The following CEP126 variants were observed in gnomAD, a reference collection of about 807,000 sequenced individuals.
CEP126 encodes centrosomal protein 126, also known as centrosomal protein of 126 kDa.
A neutral mutation model predicts 107.8 loss-of-function variants in CEP126; 74 were observed. The ratio of observed to expected loss-of-function variants is 0.69; its 90% CI spans 0.57 to 0.83. The LOEUF (loss-of-function observed/expected upper bound fraction) is 0.83. Ranked by LOEUF, CEP126 falls within the 40% of genes least tolerant of loss-of-function variation. CEP126 has a pLI of 0.00. For missense variants in CEP126, 1,237 were observed against 1,281.9 expected (o/e 0.96, Z 0.53); for synonymous variants, 449 against 446.0 (o/e 1.01, Z -0.08).
Position 101,944,180 on chromosome 11 carries a change from T to C in CEP126, c.249-85T>C, listed in dbSNP as rs1451654679. 3 of 1,224,672 alleles carry C rather than the reference T, an allele frequency of 2.4e-6. No individual in the cohort carries two copies. In the African/African-American group the frequency reaches 4.8e-5, roughly 19 times the overall value. 75.9% of individuals were successfully genotyped at this position (1,224,672 alleles called of 1,614,324 possible). A position where few individuals can be genotyped will look rare whatever the true frequency, so the allele number is the denominator to read the frequency against. On this transcript the variant is annotated intron_variant, in intron 2 of 10. Coordinates refer to ENST00000263468, the MANE Select transcript of CEP126 (RefSeq NM_020802.4). ...AATAAAATTTTGAAATATGAAAACATTGTTATATAATAAATGCGTCATTTT... is the reference window on the plus strand; with the variant it reads ...AATAAAATTTTGAAATATGAAAACACTGTTATATAATAAATGCGTCATTTT...
Position 101,957,445 on chromosome 11 carries a change from A to G in CEP126, c.507-723A>G, listed in dbSNP as rs189865174. ...TATATGTGCTGAAATCTAACATGCT[A>G]TAGATTTGCAGAAGATACAAAATTC... On this transcript the variant is annotated intron_variant, in intron 4 of 10. Coordinates refer to ENST00000263468, the MANE Select transcript of CEP126 (RefSeq NM_020802.4). Among the ~76,000 whole-genome samples, 41 of 152,284 alleles carry G rather than the reference A, an allele frequency of 2.7e-4. No homozygotes were observed. In the East Asian group the frequency reaches 4.6e-3, roughly 17 times the overall value.
intron 1 of CEP126, among the ~76,000 whole-genome samples, chr11:101,919,597 A>C (rs1002285124): frequency 2.0e-5 from 3 of 152,194 alleles, no homozygotes; most frequent in African/African-American, 7.2e-5. Flanking sequence ...ACCATATTTG[A>C]AATGATACAA....
At chr11:101,929,903 C>T (rs1423724432) in intron 2 of CEP126, among the ~76,000 whole-genome samples, 6 of 151,102 alleles carry the variant, frequency 4.0e-5, no homozygotes, top group Non-Finnish European at 8.8e-5. Context: ...GGATTTTTGC[C>T]TAAGTTTTCT....
intron 4 of CEP126, chr11:101,956,297 C>T (rs989988548): frequency 4.4e-6 from 2 of 456,272 alleles, no homozygotes; most frequent in African/African-American, 2.0e-5. Context: ...TTTGGAACCT[C>T]TCCCTGTTTT....
Position 101,963,044 on chromosome 11 carries a change from G to C in CEP126, c.2009G>C (p.Gly670Ala). ...CAATTCCACATTCAAAGTGGTGCTG[G>C]AAGCAACATAATTAGTGTTTCTACT... ...SQQFHIQSGA[G>A]SNIISVSTCA... Residue 670 changes from glycine (G) to alanine (A), a missense_variant, in exon 6 of 11, where the codon GGA (glycine) becomes GCA (alanine). This residue lies in a region of CEP126 where 1,134 missense variants were observed against 1,150.5 expected (regional missense o/e 0.99). Transcript: ENST00000263468. The C allele has an allele frequency of 6.2e-7, 1 of 1,614,072 alleles. No homozygotes were observed. Among genetic ancestry groups the C allele is most frequent in the Non-Finnish European group, 8.5e-7 (1 of 1,179,966 alleles).
intron 2 of CEP126, 50 bp from the exon 3 acceptor site, chr11:101,944,215 T>C: frequency 6.8e-7 from 1 of 1,467,164 alleles, no homozygotes; most frequent in Non-Finnish European, 9.1e-7. Flanking sequence ...TGAAACTATT[T>C]TCTAAACTTA....
chr11:101,985,992 CTTTT>C (rs1402873159), intron 8 of CEP126, among the ~76,000 whole-genome samples: 1 of 98,052 alleles, frequency 1.0e-5, no homozygotes, highest in African/African-American at 3.9e-5. Context: ...GAATTGATTT[CTTTT>C]TTTTTTTTTT....
In CEP126 at chr11:101,958,208, G is replaced by T; in HGVS notation, c.547G>T (p.Asp183Tyr). The T allele has an allele frequency of 6.2e-7, 1 of 1,613,844 alleles. No individual in the cohort carries two copies. The highest frequency in any genetic ancestry group is 1.1e-5 in the South Asian group (1 of 91,052). Residue 183 changes from aspartate (D) to tyrosine (Y), a missense_variant, in exon 5 of 11, where the codon GAT (aspartate) becomes TAT (tyrosine). Asp to Tyr is a radical substitution (Grantham distance 160, BLOSUM62 -3). This residue lies in a region of CEP126 where 1,134 missense variants were observed against 1,150.5 expected (regional missense o/e 0.99). Coordinates refer to ENST00000263468, the MANE Select transcript of CEP126 (RefSeq NM_020802.4). ...SALPSALSKN[D>Y]HKHQKQLLSK... ...CTTGCCTTCCGCATTATCAAAAAAT[G>T]ATCACAAGCATCAGAAACAACTCTT...
chr11:101,915,361 C>T lies in CEP126; in HGVS notation c.77C>T (p.Ala26Val). ...GTESSDNLDR[A>V]PLGPRESGGH... ...GAATCATCGGACAACCTCGACAGAGCCCCCCTCGGCCCTCGGGAGAGCGGC... is the reference window on the plus strand; with the variant it reads ...GAATCATCGGACAACCTCGACAGAGTCCCCCTCGGCCCTCGGGAGAGCGGC... Residue 26 changes from alanine to valine, a missense_variant, in exon 1 of 11, where the codon GCC becomes GTC. This residue lies in a region of CEP126 where 1,134 missense variants were observed against 1,150.5 expected (regional missense o/e 0.99). Transcript: ENST00000263468. 2 of 1,613,888 alleles carry T rather than the reference C, an allele frequency of 1.2e-6. No homozygotes were observed. The highest frequency in any genetic ancestry group is 1.7e-6 in the Non-Finnish European group (2 of 1,179,912).
At chr11:101,956,670 C>T (rs980290147) in intron 4 of CEP126, 12 of 455,906 alleles carry the variant, frequency 2.6e-5, no homozygotes, top group Non-Finnish European at 5.3e-5. Context: ...CCTCTTTTTT[C>T]CTCTCCTTTG....
intron 3 of CEP126, among the ~76,000 whole-genome samples, chr11:101,945,307 G>A (rs867116142): frequency 3.9e-5 from 6 of 152,010 alleles, no homozygotes; most frequent in Non-Finnish European, 5.9e-5. Flanking sequence ...AGAACAGCTT[G>A]TACAAATAAA....
At chr11:101,979,855 G>C (rs1941235897) in intron 7 of CEP126, among the ~76,000 whole-genome samples, 2 of 152,140 alleles carry the variant, frequency 1.3e-5, no homozygotes, top group South Asian at 4.1e-4. Flanking sequence ...TCCAAGGATT[G>C]ACTTTAGAAT....
intron 6 of CEP126, among the ~76,000 whole-genome samples, chr11:101,968,627 G>T (rs1461562992): frequency 2.0e-5 from 3 of 152,152 alleles, no homozygotes; most frequent in South Asian, 4.1e-4. Context: ...AACTATATGA[G>T]CCCATATCTA....
intron 2 of CEP126, among the ~76,000 whole-genome samples, chr11:101,924,828 G>A (rs984330783): frequency 6.6e-6 from 1 of 152,044 alleles, no homozygotes; most frequent in Non-Finnish European, 1.5e-5. Context: ...CATTGACATT[G>A]TCAGTGTTAT....
intron 4 of CEP126, among the ~76,000 whole-genome samples, chr11:101,955,193 A>T (rs145896792): frequency 6.6e-6 from 1 of 151,288 alleles, no homozygotes; most frequent in African/African-American, 2.4e-5. Flanking sequence ...GCAAATAGTG[A>T]GATATAAGAA....
At chr11:101,969,658 C>T (rs760919120) in intron 6 of CEP126, among the ~76,000 whole-genome samples, 22 of 152,020 alleles carry the variant, frequency 1.4e-4, no homozygotes, top group Non-Finnish European at 2.6e-4. Flanking sequence ...AATGCAAAGG[C>T]AAAGAACAAA....
At chr11:101,941,544 T>C (rs1031862431) in intron 2 of CEP126, among the ~76,000 whole-genome samples, 24 of 152,224 alleles carry the variant, frequency 1.6e-4, no homozygotes, top group African/African-American at 5.8e-4. Context: ...CATTCATCCA[T>C]TTATGAACAG....
chr11:101,934,119 C>T (rs1386050817), intron 2 of CEP126, among the ~76,000 whole-genome samples: 2 of 152,054 alleles, frequency 1.3e-5, no homozygotes, highest in Non-Finnish European at 2.9e-5. Context: ...CTCCAGCTGT[C>T]TTCAAGCACA....
intron 6 of CEP126, among the ~76,000 whole-genome samples, chr11:101,973,830 A>T (rs547132142): frequency 6.6e-6 from 1 of 152,152 alleles, no homozygotes; most frequent in Non-Finnish European, 1.5e-5. Flanking sequence ...TGAACATTTT[A>T]TATGTTTATG....
Sources: allele counts gnomAD v4.1 joint callset (sites outside exome capture counted in the v4.1 genomes callset), GRCh38; gene constraint gnomAD v4.1.1; regional missense constraint gnomAD v4.1.1; transcripts MANE v1.5; gene names NCBI Gene and HGNC (gene_info 2026-07-23, HGNC 2026-07-21).